Variants in RUNX3 observed in about 807,000 individuals in gnomAD.
The protein encoded by RUNX3 is runt-related transcription factor 3.
In RUNX3, 10 loss-of-function variants were observed where a neutral mutation model predicts 27.7. The observed-to-expected ratio is 0.36, with a 90% CI of 0.22 to 0.61. RUNX3 has a LOEUF of 0.61. RUNX3 is among the 20% of genes least tolerant of loss of function. The pLI, the probability that RUNX3 is intolerant of heterozygous loss-of-function variation, is 0.72. For missense variants in RUNX3, 469 were observed against 629.5 expected, an observed-to-expected ratio of 0.75 and a Z score of 2.73; for synonymous variants, 270 against 269.2, an observed-to-expected ratio of 1.00 and a Z score of -0.03.
At chr1:24,935,860 A>G (rs1203301177) in intron 2 of RUNX3, among the ~76,000 whole-genome samples, 1 of 152,228 alleles carries the variant, frequency 6.6e-6, no homozygotes, top group Non-Finnish European at 1.5e-5. Flanking sequence ...CAGATGGGGA[A>G]ACCCAAGCTC....
In RUNX3 at chr1:24,923,725, C is replaced by T. The variant is rs962690834; in HGVS notation, c.439+3849G>A. The stretch of plus-strand genomic sequence containing the variant: ...GACGTGTCTCAGTCTCAGGGGACCT[C>T]GGGGTTTTCTCAGCTTCAGCCAAGA... On this transcript the variant is annotated intron_variant, in intron 2 of 4. Coordinates refer to ENST00000308873, the MANE Select transcript of RUNX3 (RefSeq NM_004350.3). This position sits in a 1 kb window ranked among gnomAD's most constrained non-coding sequence, Gnocchi z 5.9. Among the ~76,000 whole-genome samples, 1 of 152,118 alleles carries T rather than the reference C, an allele frequency of 6.6e-6. No homozygotes were observed. Among genetic ancestry groups the T allele is most frequent in the African/African-American group, 2.4e-5 (1 of 41,414 alleles).
At chr1:24,956,996 C>T (rs546747065) in intron 2 of RUNX3, among the ~76,000 whole-genome samples, 2 of 152,330 alleles carry the variant, frequency 1.3e-5, no homozygotes, top group African/African-American at 2.4e-5. Flanking sequence ...AGCTCCCCCC[C>T]ACAGGGACTG....
chr1:24,924,493 T>C (rs1025136892), intron 2 of RUNX3, among the ~76,000 whole-genome samples: 1 of 151,912 alleles, frequency 6.6e-6, no homozygotes, highest in Admixed American at 6.6e-5. Context: ...TTTTTTTTTT[T>C]AATTTTGTTC....
chr1:24,901,987 G>T lies in RUNX3; in HGVS notation c.*135C>A. 2.5e-6 allele frequency: 2 copies of T among 812,302 alleles called. No individual in the cohort carries two copies. The highest frequency in any genetic ancestry group is 3.7e-5 in the South Asian group (2 of 54,296). The allele number at this position is 812,302 out of a possible 1,614,324, so 50.3% of individuals were successfully genotyped here. A position where few individuals can be genotyped will look rare whatever the true frequency, so the allele number is the denominator to read the frequency against. ...CAGATGCAGCCAGAGGCTCCCACCA[G>T]CTGGGACCACCCTGGGACCGAGACC... On this transcript the variant is annotated 3_prime_UTR_variant, in exon 5 of 5. Coordinates refer to ENST00000308873, the MANE Select transcript of RUNX3 (RefSeq NM_004350.3).
chr1:24,927,496 A>G lies in RUNX3; in HGVS notation c.439+78T>C. On this transcript the variant is annotated intron_variant, in intron 2 of 4. Transcript: ENST00000308873. The surrounding 1 kb of genome is among the most constrained non-coding windows in gnomAD (Gnocchi z 5.0). The stretch of plus-strand genomic sequence containing the variant: ...TGGAGACCTGTTTTTCGGGATTCTA[A>G]GGCCCCTCTTTCAACCTCCTTCCCT... The G allele has an allele frequency of 7.0e-7, 1 of 1,433,638 alleles. No homozygotes were observed. The highest frequency in any genetic ancestry group is 9.8e-7 in the Non-Finnish European group (1 of 1,021,200). 88.8% of individuals were successfully genotyped at this position (1,433,638 alleles called of 1,614,324 possible).
intron 2 of RUNX3, among the ~76,000 whole-genome samples, chr1:24,947,015 T>C (rs1641625176): frequency 6.6e-6 from 1 of 152,170 alleles, no homozygotes; most frequent in African/African-American, 2.4e-5. Flanking sequence ...CCTCTGGACC[T>C]CAGGCCTGTG....
Position 24,899,921 on chromosome 1 carries a change from C to T in RUNX3, c.*2201G>A, listed in dbSNP as rs976813657. The T allele has an allele frequency of 2.0e-5, 3 of 152,374 alleles. No individual in the cohort carries two copies. The highest frequency in any genetic ancestry group is 7.2e-5 in the African/African-American group (3 of 41,442). 9.4% of individuals were successfully genotyped at this position (152,374 alleles called of 1,614,324 possible). On this transcript the variant is annotated 3_prime_UTR_variant, in exon 5 of 5. Transcript: ENST00000308873. Reference sequence around the variant, plus strand: ...CTGTACCCACTTTGGGCCTTACAGACTCAGTACGGCTGCCGTCACTTTTTG... The same window carrying T: ...CTGTACCCACTTTGGGCCTTACAGATTCAGTACGGCTGCCGTCACTTTTTG...
Position 24,901,997 on chromosome 1 carries a change from C to T in RUNX3, c.*125G>A, listed in dbSNP as rs1052775528. On this transcript the variant is annotated 3_prime_UTR_variant, in exon 5 of 5. Coordinates refer to ENST00000308873, the MANE Select transcript of RUNX3 (RefSeq NM_004350.3). ...CAGAGGCTCCCACCAGCTGGGACCACCCTGGGACCGAGACCACCCTGGAGC... is the reference window on the plus strand; with the variant it reads ...CAGAGGCTCCCACCAGCTGGGACCATCCTGGGACCGAGACCACCCTGGAGC... The T allele has an allele frequency of 1.5e-5, 14 of 913,628 alleles. No homozygotes were observed. The highest frequency in any genetic ancestry group is 3.4e-5 in the African/African-American group (2 of 59,544). 56.6% of individuals were successfully genotyped at this position (913,628 alleles called of 1,614,324 possible).
At position 24,929,337 on chromosome 1, in the gene RUNX3, C is replaced by CTACG. The variant is rs765010073; in HGVS notation, c.282+246_282+249dup. ...TCCGCCCATTTCCGCACCAACGTCT[C>CTACG]TACGCAAGGCGCCCCAAAACCCAGG... On this transcript the variant is annotated intron_variant, in intron 1 of 4. Coordinates refer to ENST00000308873, the MANE Select transcript of RUNX3 (RefSeq NM_004350.3). 4.4e-6 allele frequency: 3 copies of CTACG among 689,532 alleles called. No homozygotes were observed. The South Asian group carries it at 4.5e-5, about 10-fold the overall frequency. The allele number at this position is 689,532 out of a possible 1,614,324, so 42.7% of individuals were successfully genotyped here.
upstream of RUNX3, among the ~76,000 whole-genome samples, chr1:24,934,111 ATTGT>A (rs950503122): frequency 1.1e-4 from 17 of 152,086 alleles, no homozygotes; most frequent in African/African-American, 2.9e-4. Context: ...TTGATGATCG[ATTGT>A]TTGAAGAAAC....
intron 1 of RUNX3, chr1:24,929,172 G>A (rs551859082): frequency 4.2e-6 from 2 of 474,702 alleles, no homozygotes; most frequent in Non-Finnish European, 8.4e-6. Flanking sequence ...CGCGGGAGGA[G>A]GGGTGCTGGA....
At chr1:24,961,368 G>A (rs1642107551) in intron 2 of RUNX3, 2 of 152,230 alleles carry the variant, frequency 1.3e-5, no homozygotes, top group South Asian at 4.1e-4. Flanking sequence ...ATCTTCCGTT[G>A]GTCTATGGGG....
At chr1:24,921,061 T>C (rs1249111845) in intron 2 of RUNX3, among the ~76,000 whole-genome samples, 2 of 152,130 alleles carry the variant, frequency 1.3e-5, no homozygotes, top group Non-Finnish European at 2.9e-5. Flanking sequence ...TCTCGCACTC[T>C]CACCTGTACC....
chr1:24,907,889 G>A (rs1034106983), intron 3 of RUNX3, among the ~76,000 whole-genome samples: 1 of 146,134 alleles, frequency 6.8e-6, no homozygotes, highest in African/African-American at 2.6e-5. Flanking sequence ...TCTACAACAC[G>A]CGGTGATCTA....
chr1:24,948,121 A>C (rs1641658712), intron 2 of RUNX3, among the ~76,000 whole-genome samples: 1 of 152,138 alleles, frequency 6.6e-6, no homozygotes, highest in Admixed American at 6.5e-5. Context: ...AGAAGCATCC[A>C]CCCAGTGGAC....
chr1:24,930,801 C>G (rs1328950401), upstream of RUNX3, among the ~76,000 whole-genome samples: 2 of 152,216 alleles, frequency 1.3e-5, no homozygotes, highest in Non-Finnish European at 2.9e-5. The surrounding 1 kb of genome is among the most constrained non-coding windows in gnomAD (Gnocchi z 4.1). Context: ...GCCTCCACCC[C>G]ACACGGGATT....
Position 24,904,430 on chromosome 1 carries a change from C to T in RUNX3, c.704-1764G>A, listed in dbSNP as rs1640622634. On this transcript the variant is annotated intron_variant, in intron 4 of 4. Coordinates refer to ENST00000308873, the MANE Select transcript of RUNX3 (RefSeq NM_004350.3). The surrounding 1 kb of genome is among the most constrained non-coding windows in gnomAD (Gnocchi z 5.7). ...GGGACAGCAGTCTGGGTGGCGGGGG[C>T]CTTCTGGGACATCTGGGATGTTCCC... 6.6e-6 allele frequency among the ~76,000 whole-genome samples: 1 copy of T among 152,142 alleles called. No homozygotes were observed. The highest frequency in any genetic ancestry group is 2.1e-4 in the South Asian group (1 of 4,834).
At chr1:24,911,905 C>T (rs1217043352) in intron 3 of RUNX3, among the ~76,000 whole-genome samples, 5 of 152,322 alleles carry the variant, frequency 3.3e-5, no homozygotes, top group South Asian at 2.1e-4. Context: ...GCAGACTTCC[C>T]GGAGGAGGGG....
At chr1:24,906,912 T>C (rs909456630) in intron 4 of RUNX3, among the ~76,000 whole-genome samples, 1 of 151,642 alleles carries the variant, frequency 6.6e-6, no homozygotes, top group East Asian at 1.9e-4. Context: ...CAGGGGCGAG[T>C]CTGTCACGGC....
Sources: gnomAD v4.1 joint callset for allele counts (sites outside exome capture counted in the v4.1 genomes callset) on GRCh38, gnomAD v4.1.1 for gene constraint, Gnocchi (gnomAD v3.1) non-coding constraint, MANE v1.5 for transcripts, NCBI Gene and HGNC (gene_info 2026-07-23, HGNC 2026-07-21) for gene names.